MYADM: variants seen among roughly 807,000 people sequenced by gnomAD.
MYADM encodes myeloid associated differentiation marker.
For missense variants in MYADM, 416 were observed against 443.4 expected, an observed-to-expected ratio of 0.94 and a Z score of 0.56; for synonymous variants, 224 against 210.2, an observed-to-expected ratio of 1.07 and a Z score of -0.57.
Position 53,874,255 on chromosome 19 carries a change from G to T in MYADM, c.726G>T (p.Gly242=), listed in dbSNP as rs757903347. The T allele has an allele frequency of 1.9e-6, 3 of 1,609,324 alleles. No individual in the cohort carries two copies. In the Admixed American group the frequency reaches 5.0e-5, roughly 27 times the overall value. ...LPIPFPSFLS[G]LALLSVLLYA... is the part of the protein sequence containing the mutation. Reference sequence around the variant, plus strand: ...TCCCCTTCCCCAGCTTCCTGTCGGGGCTGGCCTTGCTGTCTGTCCTCCTCT... The same window carrying T: ...TCCCCTTCCCCAGCTTCCTGTCGGGTCTGGCCTTGCTGTCTGTCCTCCTCT... The change falls in exon 3 of 3, where the codon GGG becomes GGT. Residue 242 remains glycine, a synonymous_variant. Transcript: ENST00000391770.
Position 53,873,918 on chromosome 19 carries a change from A to T in MYADM, c.389A>T (p.His130Leu). Residue 130 changes from histidine to leucine, a missense_variant, in exon 3 of 3, where the codon CAC becomes CTC. His to Leu is a moderately conservative substitution (Grantham distance 99). Coordinates refer to ENST00000391770, the MANE Select transcript of MYADM (RefSeq NM_138373.5). This position sits in a 1 kb window ranked among gnomAD's most constrained non-coding sequence, Gnocchi z 4.3. ...ACCACCTATGTCCAGTTCCTGTCCC[A>T]CGGCCGTTCGCGGGACCACGCCATC... Reference protein sequence around the residue: ...YPTTYVQFLSHGRSRDHAIAA... With the variant: ...YPTTYVQFLSLGRSRDHAIAA... The T allele has an allele frequency of 6.2e-7, 1 of 1,612,058 alleles. No individual in the cohort carries two copies. Among genetic ancestry groups the T allele is most frequent in the Non-Finnish European group, 8.5e-7 (1 of 1,179,944 alleles).
intron 2 of MYADM, among the ~76,000 whole-genome samples, chr19:53,870,596 T>A (rs2068363107): frequency 6.6e-6 from 1 of 152,132 alleles, no homozygotes; most frequent in Non-Finnish European, 1.5e-5. Context: ...GGCTCCTTTG[T>A]CTCAGGGAGC....
rs778872762 is a variant in MYADM, at chr19:53,873,882, T to C, written c.353T>C (p.Ile118Thr). ...GCCCTCTTCTGCCTCTCGGCCTCCA[T>C]CATCTACCCCACCACCTATGTCCAG... ...YAALFCLSAS[I>T]IYPTTYVQFL... is the part of the protein sequence containing the mutation. Residue 118 changes from isoleucine (I) to threonine (T), a missense_variant, in exon 3 of 3, where the codon ATC becomes ACC. Coordinates refer to ENST00000391770, the MANE Select transcript of MYADM (RefSeq NM_138373.5). This position sits in a 1 kb window ranked among gnomAD's most constrained non-coding sequence, Gnocchi z 4.3. 6.2e-6 allele frequency: 10 copies of C among 1,613,236 alleles called. No homozygotes were observed. Among genetic ancestry groups the C allele is most frequent in the Non-Finnish European group, 7.6e-6 (9 of 1,180,026 alleles).
Position 53,874,773 on chromosome 19 carries a change from T to G in MYADM, c.*275T>G. On this transcript the variant is annotated 3_prime_UTR_variant, in exon 3 of 3. Coordinates refer to ENST00000391770, the MANE Select transcript of MYADM (RefSeq NM_138373.5). The stretch of plus-strand genomic sequence containing the variant: ...TGAGCTGTTTCTCTTTTTCTTTTCT[T>G]TTTTTTTTTTTTTTTTTTTTAAGAC... 2 of 24,678 alleles carry G rather than the reference T, an allele frequency of 8.1e-5. No individual in the cohort carries two copies. The highest frequency in any genetic ancestry group is 1.7e-4 in the Non-Finnish European group (2 of 11,590). The allele number at this position is 24,678 out of a possible 1,614,324, so 1.5% of individuals were successfully genotyped here.
rs377284445 is a variant in MYADM, at chr19:53,874,322, G to A, written c.793G>A (p.Glu265Lys). The part of the protein sequence containing the change: ...LVLWPLYQFD[E>K]KYGGQPRRSR... ...TCTCTGGCCCCTCTACCAGTTCGAT[G>A]AGAAGTATGGCGGCCAGCCTCGGCG... The change falls in exon 3 of 3, where the codon GAG becomes AAG. Residue 265 changes from glutamate (E) to lysine (K), a missense_variant. Transcript: ENST00000391770. The A allele has an allele frequency of 4.3e-6, 7 of 1,612,472 alleles. No homozygotes were observed. Among genetic ancestry groups the A allele is most frequent in the Non-Finnish European group, 5.9e-6 (7 of 1,178,712 alleles).
rs367969185 is a variant in MYADM at position 53,874,153 on chromosome 19, G to C, written c.624G>C (p.Ala208=). The change falls in exon 3 of 3, where the codon GCG becomes GCC. Residue 208 remains alanine, a synonymous_variant. Transcript: ENST00000391770. ...AGCCGGCCCTGGAGTGGTGCGTGGC[G>C]GTGTACGCCATCTGCTTCATCCTAG... The part of the protein sequence containing the change: ...QHQPALEWCV[A]VYAICFILAA... 1 of 1,613,738 alleles carries C rather than the reference G, an allele frequency of 6.2e-7. No homozygotes were observed. The highest frequency in any genetic ancestry group is 8.5e-7 in the Non-Finnish European group (1 of 1,180,030).
Position 53,873,919 on chromosome 19 carries a change from C to T in MYADM, c.390C>T (p.His130=), listed in dbSNP as rs771155643. 10 of 1,612,216 alleles carry T rather than the reference C, an allele frequency of 6.2e-6. No individual in the cohort carries two copies. The highest frequency in any genetic ancestry group is 8.5e-6 in the Non-Finnish European group (10 of 1,180,032). ...CCACCTATGTCCAGTTCCTGTCCCA[C>T]GGCCGTTCGCGGGACCACGCCATCG... ...YPTTYVQFLS[H]GRSRDHAIAA... Residue 130 remains histidine, a synonymous_variant, in exon 3 of 3, where the codon CAC becomes CAT. Transcript: ENST00000391770. The surrounding 1 kb of genome is among the most constrained non-coding windows in gnomAD (Gnocchi z 4.3).
Position 53,874,012 on chromosome 19 carries a change from G to C in MYADM, c.483G>C (p.Arg161=). The change falls in exon 3 of 3, where the codon CGG becomes CGC. Residue 161 remains arginine, a synonymous_variant. Coordinates refer to ENST00000391770, the MANE Select transcript of MYADM (RefSeq NM_138373.5). ...CCGAAGTGGCCTGGACCCGGGCCCG[G>C]CCCGGCGAGATCACTGGCTATATGG... ...YATEVAWTRA[R]PGEITGYMAT... is the part of the protein sequence containing the mutation. 6.2e-7 allele frequency: 1 copy of C among 1,608,444 alleles called. No homozygotes were observed.
chr19:53,873,610 G>C lies in MYADM; in HGVS notation c.81G>C (p.Gly27=), dbSNP rs1368017661. 6.2e-7 allele frequency: 1 copy of C among 1,613,938 alleles called. No homozygotes were observed. The highest frequency in any genetic ancestry group is 8.5e-7 in the Non-Finnish European group (1 of 1,179,970). The change falls in exon 3 of 3, where the codon GGG becomes GGC. Residue 27 remains glycine, a synonymous_variant. Transcript: ENST00000391770. This position sits in a 1 kb window ranked among gnomAD's most constrained non-coding sequence, Gnocchi z 4.3. ...GCCTGGGGTCCCCCATGATCGTGGG[G>C]TCCCCTCGGGCCCTGACACAGCCCC... The part of the protein sequence containing the change: ...SSGLGSPMIV[G]SPRALTQPLG...
rs372757065 is a variant in MYADM at position 53,873,035 on chromosome 19, G to T, written c.-2-493G>T. Reference sequence around the variant, plus strand: ...GTAGGGGAGGAGTGAGCCTTGAACCGGAGGGGACAGGCTCATCCCTGTATG... The same window carrying T: ...GTAGGGGAGGAGTGAGCCTTGAACCTGAGGGGACAGGCTCATCCCTGTATG... On this transcript the variant is annotated intron_variant, in intron 2 of 2. Coordinates refer to ENST00000391770, the MANE Select transcript of MYADM (RefSeq NM_138373.5). This position sits in a 1 kb window ranked among gnomAD's most constrained non-coding sequence, Gnocchi z 4.3. 6.6e-6 allele frequency among the ~76,000 whole-genome samples: 1 copy of T among 152,150 alleles called. No homozygotes were observed. Among genetic ancestry groups the T allele is most frequent in the Non-Finnish European group, 1.5e-5 (1 of 68,040 alleles).
Position 53,873,565 on chromosome 19 carries a change from C to A in MYADM, c.36C>A (p.Thr12=). The part of the protein sequence containing the change: ...PVTVTRTTIT[T]TTTSSSGLGS... The stretch of plus-strand genomic sequence containing the variant: ...CGGTAACCCGCACCACCATCACAAC[C>A]ACCACGACGTCATCTTCGGGCCTGG... Residue 12 remains threonine (T), a synonymous_variant, in exon 3 of 3, where the codon ACC becomes ACA. Transcript: ENST00000391770. This position sits in a 1 kb window ranked among gnomAD's most constrained non-coding sequence, Gnocchi z 4.3. 1 of 1,610,636 alleles carries A rather than the reference C, an allele frequency of 6.2e-7. No individual in the cohort carries two copies. Among genetic ancestry groups the A allele is most frequent in the Non-Finnish European group, 8.5e-7 (1 of 1,177,722 alleles).
At position 53,876,345 on chromosome 19, in the gene MYADM, CTGT is replaced by C. The variant is rs1337809562; in HGVS notation, c.*1852_*1854del. 3 of 165,942 alleles carry C rather than the reference CTGT, an allele frequency of 1.8e-5. No individual in the cohort carries two copies. Among genetic ancestry groups the C allele is most frequent in the African/African-American group, 4.9e-5 (2 of 41,064 alleles). 10.3% of individuals were successfully genotyped at this position (165,942 alleles called of 1,614,324 possible). On this transcript the variant is annotated 3_prime_UTR_variant, in exon 3 of 3. Coordinates refer to ENST00000391770, the MANE Select transcript of MYADM (RefSeq NM_138373.5). ...TGGAGCTTCTGGTTCCTATCAGTTC[CTGT>C]TGTTAATCGTAGAACCGTTGTCCCT...
Position 53,873,946 on chromosome 19 carries a change from C to G in MYADM, c.417C>G (p.Ala139=). 1 of 1,611,056 alleles carries G rather than the reference C, an allele frequency of 6.2e-7. No homozygotes were observed. Among genetic ancestry groups the G allele is most frequent in the South Asian group, 1.1e-5 (1 of 91,090 alleles). ...SHGRSRDHAI[A]ATFFSCIACV... is the part of the protein sequence containing the mutation. ...GCCGTTCGCGGGACCACGCCATCGC[C>G]GCCACCTTCTTCTCCTGCATCGCGT... Residue 139 remains alanine (A), a synonymous_variant, in exon 3 of 3, where the codon GCC becomes GCG. Transcript: ENST00000391770. The surrounding 1 kb of genome is among the most constrained non-coding windows in gnomAD (Gnocchi z 4.3).
intron 2 of MYADM, among the ~76,000 whole-genome samples, chr19:53,870,458 G>A (rs1051419088): frequency 4.0e-5 from 6 of 148,412 alleles, no homozygotes; most frequent in African/African-American, 1.2e-4. Context: ...GTCTGGACTC[G>A]TGGGTCTGAA....
rs768229191 is a variant in MYADM at position 53,873,485 on chromosome 19, T to C, written c.-2-43T>C. On this transcript the variant is annotated intron_variant, in intron 2 of 2. Transcript: ENST00000391770. This position sits in a 1 kb window ranked among gnomAD's most constrained non-coding sequence, Gnocchi z 4.3. ...AATGGCTAAGGGACCTGGATTCTTA[T>C]GTTTGTGACTGTATAAGGACACTGT... The C allele has an allele frequency of 3.3e-6, 5 of 1,531,764 alleles. No homozygotes were observed. Among genetic ancestry groups the C allele is most frequent in the East Asian group, 2.3e-5 (1 of 44,064 alleles). The allele number at this position is 1,531,764 out of a possible 1,614,324, so 94.9% of individuals were successfully genotyped here.
rs370203126 is a variant in MYADM at position 53,874,549 on chromosome 19, C to T, written c.*51C>T. On this transcript the variant is annotated 3_prime_UTR_variant, in exon 3 of 3. Transcript: ENST00000391770. ...CTCTCCAACCTCTTTGTTCTTCTTG[C>T]CCGAGTTTTCTTTATGGAGTACTTC... The T allele has an allele frequency of 2.6e-6, 4 of 1,511,388 alleles. No individual in the cohort carries two copies. The highest frequency in any genetic ancestry group is 3.5e-6 in the Non-Finnish European group (4 of 1,130,924). 93.6% of individuals were successfully genotyped at this position (1,511,388 alleles called of 1,614,324 possible).
chr19:53,874,282 T>A lies in MYADM; in HGVS notation c.753T>A (p.Tyr251Ter). ...SGLALLSVLLYATALVLWPLY... is the reference protein window; with the variant it reads ...SGLALLSVLL The stretch of plus-strand genomic sequence containing the variant: ...TGGCCTTGCTGTCTGTCCTCCTCTA[T>A]GCCACCGCCCTTGTTCTCTGGCCCC... The change falls in exon 3 of 3, where the codon TAT becomes TAA. Residue 251 changes from tyrosine to a stop codon, truncating the protein, a stop_gained. Transcript: ENST00000391770. LOFTEE classifies it low-confidence loss of function (END_TRUNC). The A allele has an allele frequency of 6.2e-7, 1 of 1,609,590 alleles. No homozygotes were observed. Among genetic ancestry groups the A allele is most frequent in the Non-Finnish European group, 8.5e-7 (1 of 1,176,702 alleles).
chr19:53,870,505 G>T lies in MYADM; in HGVS notation c.-3+667G>T, dbSNP rs548891441. On this transcript the variant is annotated intron_variant, in intron 2 of 2. Coordinates refer to ENST00000391770, the MANE Select transcript of MYADM (RefSeq NM_138373.5). ...TAGGTCCTGGGCTCCTAGATCCTGG[G>T]AGAAGGACCAGGAAGCTTGGGCTCC... Among the ~76,000 whole-genome samples the T allele has an allele frequency of 3.3e-5, 5 of 152,196 alleles. No homozygotes were observed. In the South Asian group the frequency reaches 1.0e-3, roughly 32 times the overall value.
At position 53,875,199 on chromosome 19, in the gene MYADM, CGTGTGTGTGTGTGT is replaced by C. The variant is rs3835132; in HGVS notation, c.*720_*733del. On this transcript the variant is annotated 3_prime_UTR_variant, in exon 3 of 3. Transcript: ENST00000391770. ...CTCGCTGTGCCTTAGTCAGTGTGTA[CGTGTGTGTGTGTGT>C]GTGTGTGTGTGTGTGTGTTTGGGGG... 107,618 of 137,348 alleles carry C rather than the reference CGTGTGTGTGTGTGT, an allele frequency of 0.78. 44,695 individuals are homozygous for C. Among genetic ancestry groups the C allele is most frequent in the Non-Finnish European group, 0.92 (57,741 of 62,480 alleles). The allele number at this position is 137,348 out of a possible 1,614,324, so 8.5% of individuals were successfully genotyped here.
Sources: allele counts gnomAD v4.1 joint callset (sites outside exome capture counted in the v4.1 genomes callset), GRCh38; gene constraint gnomAD v4.1.1; non-coding constraint Gnocchi (gnomAD v3.1); transcripts MANE v1.5; gene names NCBI Gene and HGNC (gene_info 2026-07-23, HGNC 2026-07-21).